The following GSTM4 variants were observed in gnomAD, a reference collection of about 807,000 sequenced individuals.
GSTM4 encodes the protein glutathione S-transferase mu 4.
Under a neutral mutation model 30.1 loss-of-function variants are expected in GSTM4, and 27 were observed. The ratio of observed to expected loss-of-function variants is 0.90; its 90% CI spans 0.66 to 1.24. GSTM4 has a LOEUF of 1.24. Among genes scored for constraint, GSTM4 ranks in the 50% most tolerant of loss-of-function variants. GSTM4 has a pLI of 0.00. For missense variants in GSTM4, 238 were observed against 272.1 expected (o/e 0.87, Z 0.88); for synonymous variants, 94 against 96.2 (o/e 0.98, Z 0.13).
At chr1:109,659,238 C>G (rs75484590) in intron 7 of GSTM4, 128 bp downstream of exon 7, 2 of 1,612,778 alleles carry the variant, frequency 1.2e-6, no homozygotes, top group African/African-American at 2.7e-5. Context: ...ATGCCAGGAA[C>G]CTTGCCCAGC....
intron 7 of GSTM4, chr1:109,660,210 G>C (rs1263595087): frequency 1.3e-5 from 2 of 159,348 alleles, no homozygotes; most frequent in Non-Finnish European, 1.4e-5. Flanking sequence ...TGGCCTTGGG[G>C]TTATGTAAGA....
chr1:109,657,350 A>G (rs900926375), intron 3 of GSTM4, 71 bp downstream of exon 3: 1 of 1,588,194 alleles, frequency 6.3e-7, no homozygotes, highest in South Asian at 1.1e-5. Context: ...CTCTCCCCAG[A>G]TTAGAGGTGT....
At chr1:109,659,503 T>A in intron 7 of GSTM4, 1 of 767,984 alleles carries the variant, frequency 1.3e-6, no homozygotes, top group Non-Finnish European at 2.0e-6. Flanking sequence ...CCCAGGGCAC[T>A]TTGGAAGAGG....
In GSTM4 at chr1:109,658,077, A is replaced by G. The variant is rs1652118892; in HGVS notation, c.360+205A>G. ...ATAGGAAGTCCTATGAAAGCTAGCA[A>G]TTCAGTTCCTAGACAATAAAGTCAT... On this transcript the variant is annotated intron_variant, in intron 5 of 7. Transcript: ENST00000369836. 1.0e-5 allele frequency: 6 copies of G among 583,394 alleles called. No individual in the cohort carries two copies. In the Admixed American group the frequency reaches 1.2e-4, roughly 12 times the overall value. The allele number at this position is 583,394 out of a possible 1,614,324, so 36.1% of individuals were successfully genotyped here.
intron 7 of GSTM4, 184 bp downstream of exon 7, chr1:109,659,294 A>G: frequency 6.4e-7 from 1 of 1,574,296 alleles, no homozygotes; most frequent in South Asian, 1.1e-5. Flanking sequence ...ACATTCCTAC[A>G]GGGTGACAGA....
chr1:109,661,422 AC>A lies in GSTM4; in HGVS notation c.*172del. On this transcript the variant is annotated 3_prime_UTR_variant, in exon 8 of 8. Coordinates refer to ENST00000369836, the MANE Select transcript of GSTM4 (RefSeq NM_000850.5). Reference sequence around the variant, plus strand: ...TATTGGGCCTCTTCACTTCCCCTAAACCCCTGTCCCATGCAGGCCCTTTGAA... The same window carrying A: ...TATTGGGCCTCTTCACTTCCCCTAAACCCTGTCCCATGCAGGCCCTTTGAA... 18 of 1,474,386 alleles carry A rather than the reference AC, an allele frequency of 1.2e-5. No individual in the cohort carries two copies. The highest frequency in any genetic ancestry group is 1.5e-5 in the Non-Finnish European group (17 of 1,110,202). 91.3% of individuals were successfully genotyped at this position (1,474,386 alleles called of 1,614,324 possible). A position where few individuals can be genotyped will look rare whatever the true frequency, so the allele number is the denominator to read the frequency against.
At chr1:109,663,645 C>T (rs1049666980), downstream of GSTM4, among the ~76,000 whole-genome samples, 7 of 151,040 alleles carry the variant, frequency 4.6e-5, no homozygotes, top group Admixed American at 2.6e-4. Flanking sequence ...CCAGCCTGGG[C>T]GACAGAGCAA....
At position 109,657,979 on chromosome 1, in the gene GSTM4, C is replaced by T. The variant is rs1408461077; in HGVS notation, c.360+107C>T. 5.4e-6 allele frequency: 5 copies of T among 918,558 alleles called. No individual in the cohort carries two copies. The South Asian group carries it at 7.2e-5, about 13-fold the overall frequency. The allele number at this position is 918,558 out of a possible 1,614,324, so 56.9% of individuals were successfully genotyped here. A position where few individuals can be genotyped will look rare whatever the true frequency, so the allele number is the denominator to read the frequency against. ...CTGCTATTGATCCTCTGAGGGTTCC[C>T]TGTACTGTAGCAGAGTGACTGTCAT... On this transcript the variant is annotated intron_variant, in intron 5 of 7. Transcript: ENST00000369836.
At chr1:109,664,911 G>A, downstream of GSTM4, 1 of 1,281,564 alleles carries the variant, frequency 7.8e-7, no homozygotes. Context: ...CTCTACCTGT[G>A]GCTTAGTCAA....
At chr1:109,657,148 G>A (rs1453328222) in intron 2 of GSTM4, 67 bp from the exon 3 acceptor site, 2 of 1,567,262 alleles carry the variant, frequency 1.3e-6, no homozygotes, top group East Asian at 4.5e-5. Context: ...GGTTCCTTGG[G>A]AGGGTCCCCG....
chr1:109,663,683 A>AT (rs1375772476), downstream of GSTM4, among the ~76,000 whole-genome samples: 1 of 152,068 alleles, frequency 6.6e-6, no homozygotes, highest in Non-Finnish European at 1.5e-5. Flanking sequence ...AAAAAAAAAA[A>AT]GCATGCATTA....
Position 109,656,351 on chromosome 1 carries a change from A to C in GSTM4, c.-39A>C. On this transcript the variant is annotated 5_prime_UTR_variant, in exon 1 of 8. Coordinates refer to ENST00000369836, the MANE Select transcript of GSTM4 (RefSeq NM_000850.5). Reference sequence around the variant, plus strand: ...CCCAGAGGAGGTCGCAGTTCAGCCCAGCTGAGGCCTGTCTGCAGAATCGAC... The same window carrying C: ...CCCAGAGGAGGTCGCAGTTCAGCCCCGCTGAGGCCTGTCTGCAGAATCGAC... 1 of 1,608,736 alleles carries C rather than the reference A, an allele frequency of 6.2e-7. No homozygotes were observed. Among genetic ancestry groups the C allele is most frequent in the Non-Finnish European group, 8.5e-7 (1 of 1,175,542 alleles).
intron 3 of GSTM4, 83 bp downstream of exon 3, chr1:109,657,362 C>A (rs569991691): frequency 1.7e-5 from 27 of 1,571,222 alleles, no homozygotes; most frequent in South Asian, 1.2e-4. Flanking sequence ...TAGAGGTGTT[C>A]GGATCAGGAG....
intron 5 of GSTM4, 148 bp from the exon 6 acceptor site, chr1:109,658,666 T>C: frequency 1.5e-6 from 1 of 682,402 alleles, no homozygotes; most frequent in East Asian, 2.5e-5. Flanking sequence ...GTGTAATAAA[T>C]GCTGGTATGT....
chr1:109,663,743 A>G (rs1294526305), downstream of GSTM4, among the ~76,000 whole-genome samples: 2 of 151,892 alleles, frequency 1.3e-5, no homozygotes, highest in Admixed American at 6.6e-5. Context: ...GCATGCTCAT[A>G]TGTCTTACAT....
downstream of GSTM4, chr1:109,661,801 A>G (rs370304100): frequency 1.7e-5 from 12 of 706,150 alleles, no homozygotes; most frequent in African/African-American, 2.1e-4. Context: ...AGCTGGGTTC[A>G]TAGAGATTAT....
intron 7 of GSTM4, chr1:109,659,397 C>T: frequency 6.9e-7 from 1 of 1,445,512 alleles, no homozygotes; most frequent in Non-Finnish European, 9.1e-7. Flanking sequence ...GTGCTGGGCT[C>T]CCTGTGAGCA....
chr1:109,663,141 G>A (rs907328106), downstream of GSTM4, among the ~76,000 whole-genome samples: 35 of 152,182 alleles, frequency 2.3e-4, no homozygotes, highest in Non-Finnish European at 3.5e-4. Context: ...AAGGACACAC[G>A]ATCTCATTCC....
Position 109,657,779 on chromosome 1 carries a change from G to A in GSTM4, c.267G>A (p.Glu89=). The change falls in exon 5 of 8, where the codon GAG becomes GAA. Residue 89 remains glutamate, a synonymous_variant. Transcript: ENST00000369836. ...GTGTTTTGTGGGTGGCAGGTGGGGA[G>A]ACAGAAGAGGAGAAGATTCGTGTGG... ...YIARKHNLCG[E]TEEEKIRVDI... The A allele has an allele frequency of 6.2e-7, 1 of 1,614,218 alleles. No homozygotes were observed. The highest frequency in any genetic ancestry group is 8.5e-7 in the Non-Finnish European group (1 of 1,180,042).
Sources: allele counts gnomAD v4.1 joint callset (sites outside exome capture counted in the v4.1 genomes callset), GRCh38; gene constraint gnomAD v4.1.1; transcripts MANE v1.5; gene names NCBI Gene and HGNC (gene_info 2026-07-23, HGNC 2026-07-21).